TRABD2A: variants seen among roughly 807,000 people sequenced by gnomAD.
TRABD2A encodes TraB domain containing 2A, also known as metalloprotease TIKI1.
In TRABD2A, 43 loss-of-function variants were observed where a neutral mutation model predicts 45.6. The observed-to-expected ratio is 0.94, with a 90% confidence interval of 0.74 to 1.22. The LOEUF (loss-of-function observed/expected upper bound fraction) is 1.22, where lower values mean the gene tolerates loss of function less well. Ranked by LOEUF, TRABD2A falls within the 50% of genes most tolerant of loss-of-function variation. TRABD2A has a pLI of 0.00. For missense variants in TRABD2A, 642 were observed against 652.4 expected (o/e 0.98, Z 0.17); for synonymous variants, 269 against 265.0 (o/e 1.02, Z -0.15).
chr2:84,854,721 G>A (rs939614109), intron 2 of TRABD2A, among the ~76,000 whole-genome samples: 7 of 152,180 alleles, frequency 4.6e-5, no homozygotes, highest in African/African-American at 1.7e-4. Flanking sequence ...CTAAGGCAAG[G>A]AGAGGCAATA....
intron 4 of TRABD2A, chr2:84,835,060 A>G (rs1450217554): frequency 6.6e-6 from 1 of 152,188 alleles, no homozygotes; most frequent in Non-Finnish European, 1.5e-5. Flanking sequence ...TTTACTCTCC[A>G]TCTTTTTTAT....
intron 1 of TRABD2A, among the ~76,000 whole-genome samples, chr2:84,871,190 G>C (rs1245194730): frequency 6.6e-6 from 1 of 152,208 alleles, no homozygotes; most frequent in Non-Finnish European, 1.5e-5. Flanking sequence ...CCAGTTTTGA[G>C]ATTGTGCCAT....
intron 1 of TRABD2A, among the ~76,000 whole-genome samples, chr2:84,875,245 A>G (rs1453971973): frequency 6.6e-6 from 1 of 152,222 alleles, no homozygotes; most frequent in Non-Finnish European, 1.5e-5. Context: ...GTCTATAAAG[A>G]CATCTAAGCC....
chr2:84,822,027 C>T lies in TRABD2A; in HGVS notation c.1408G>A (p.Gly470Arg). ...ISTELRLPRR[G>R]HSHHSQMVAS... The stretch of plus-strand genomic sequence containing the variant: ...ACCATCTGGCTGTGGTGGGAATGCC[C>T]ACGGCGAGGGAGCCGCAGTTCAGTG... Residue 470 changes from glycine (G) to arginine (R), a missense_variant, in exon 7 of 7, where the codon GGG becomes AGG. Physicochemically the swap from Gly to Arg is moderately radical, Grantham distance 125. Coordinates refer to ENST00000409520, the MANE Select transcript of TRABD2A (RefSeq NM_001277053.2). 1 of 1,594,044 alleles carries T rather than the reference C, an allele frequency of 6.3e-7. No individual in the cohort carries two copies. Among genetic ancestry groups the T allele is most frequent in the East Asian group, 2.3e-5 (1 of 44,012 alleles).
rs947572376 is a variant in TRABD2A at position 84,824,006 on chromosome 2, C to T, written c.1281G>A (p.Gln427=). ...QRFRKKRRRS[Q]RRPRLRQFSD... ...TGAATTGCCGGAGTCGCGGCCTCCG[C>T]TGTGACCGCCTCCGCTTCTTCCGGA... The change falls in exon 6 of 7, where the codon CAG becomes CAA. Residue 427 remains glutamine (Q), a synonymous_variant. Transcript: ENST00000409520. The T allele has an allele frequency of 3.7e-6, 6 of 1,613,842 alleles. No homozygotes were observed. Among genetic ancestry groups the T allele is most frequent in the Non-Finnish European group, 5.1e-6 (6 of 1,179,794 alleles).
At chr2:84,829,908 C>T (rs913959573) in intron 5 of TRABD2A, among the ~76,000 whole-genome samples, 23 of 150,206 alleles carry the variant, frequency 1.5e-4, no homozygotes, top group African/African-American at 5.6e-4. Flanking sequence ...ACACATATTC[C>T]ACACTAGATA....
chr2:84,864,876 C>T (rs2105403510), intron 2 of TRABD2A, among the ~76,000 whole-genome samples: 1 of 152,316 alleles, frequency 6.6e-6, no homozygotes, highest in Admixed American at 6.5e-5. Context: ...CAGGAGTCTT[C>T]CTCAGGCCAT....
intron 5 of TRABD2A, among the ~76,000 whole-genome samples, chr2:84,827,469 C>T (rs1192281): frequency 0.18 from 27,386 of 152,136 alleles, 2,530 homozygotes; most frequent in African/African-American, 0.24. Flanking sequence ...TAGATCCTTA[C>T]TTCAAGTGCA....
At chr2:84,840,112 C>T (rs1410977835) in intron 3 of TRABD2A, among the ~76,000 whole-genome samples, 1 of 152,120 alleles carries the variant, frequency 6.6e-6, no homozygotes, top group Non-Finnish European at 1.5e-5. Flanking sequence ...CAGTATCTAC[C>T]CTGCCTGCTG....
chr2:84,865,285 A>G (rs994557290), intron 2 of TRABD2A, among the ~76,000 whole-genome samples: 2 of 152,250 alleles, frequency 1.3e-5, no homozygotes, highest in African/African-American at 4.8e-5. Flanking sequence ...GGCAGTGACC[A>G]TCCTCCTGGA....
At chr2:84,857,219 TG>T (rs1483414123) in intron 2 of TRABD2A, among the ~76,000 whole-genome samples, 1 of 152,222 alleles carries the variant, frequency 6.6e-6, no homozygotes, top group African/African-American at 2.4e-5. Context: ...CACACAATGC[TG>T]GGGCAACAAT....
chr2:84,879,219 T>A lies in TRABD2A; in HGVS notation c.108+1713A>T, dbSNP rs578059464. Among the ~76,000 whole-genome samples, 21 of 151,792 alleles carry A rather than the reference T, an allele frequency of 1.4e-4. No individual in the cohort carries two copies. The East Asian group carries it at 3.9e-3, about 28-fold the overall frequency. ...TTTTTTTGGATATAGGGTCTCGCTC[T>A]TTCACCCAAGCTGGAGTGCAGTGGC... On this transcript the variant is annotated intron_variant, in intron 1 of 6. Coordinates refer to ENST00000409520, the MANE Select transcript of TRABD2A (RefSeq NM_001277053.2).
intron 2 of TRABD2A, among the ~76,000 whole-genome samples, chr2:84,866,060 G>A (rs1395220513): frequency 6.6e-6 from 1 of 152,190 alleles, no homozygotes; most frequent in East Asian, 1.9e-4. Context: ...TCCGTGTCAG[G>A]GTCCTAACCT....
At chr2:84,880,707 G>C (rs1443146133) in intron 1 of TRABD2A, among the ~76,000 whole-genome samples, 1 of 152,226 alleles carries the variant, frequency 6.6e-6, no homozygotes, top group Non-Finnish European at 1.5e-5. Context: ...GAGGGCAAAG[G>C]CCAGGGCACT....
intron 5 of TRABD2A, among the ~76,000 whole-genome samples, chr2:84,825,599 A>G (rs992784592): frequency 1.1e-4 from 17 of 152,158 alleles, no homozygotes; most frequent in Non-Finnish European, 1.0e-4. Flanking sequence ...GAACCCTTTC[A>G]TTGTTACAAC....
intron 5 of TRABD2A, among the ~76,000 whole-genome samples, chr2:84,831,194 GAA>G: frequency 6.7e-6 from 1 of 149,886 alleles, no homozygotes; most frequent in Admixed American, 6.6e-5. Context: ...CTCGCTTACA[GAA>G]AAAAAAAATG....
chr2:84,875,022 C>T, intron 1 of TRABD2A: 1 of 171,678 alleles, frequency 5.8e-6, no homozygotes, highest in Non-Finnish European at 1.3e-5. Flanking sequence ...AGTCTGTGGG[C>T]TGAATCTTGA....
intron 2 of TRABD2A, among the ~76,000 whole-genome samples, chr2:84,843,275 C>T (rs1330039220): frequency 6.6e-6 from 1 of 152,036 alleles, no homozygotes; most frequent in Non-Finnish European, 1.5e-5. Flanking sequence ...AGGCTTGGTC[C>T]ATCTGTGTTG....
At chr2:84,839,051 T>C in intron 4 of TRABD2A, 98 bp downstream of exon 4, 1 of 1,394,944 alleles carries the variant, frequency 7.2e-7, no homozygotes, top group Admixed American at 2.2e-5. Context: ...TCTCGCTTCA[T>C]GACTAACACA....
Sources: gnomAD v4.1 joint callset for allele counts (sites outside exome capture counted in the v4.1 genomes callset) on GRCh38, gnomAD v4.1.1 for gene constraint, MANE v1.5 for transcripts, NCBI Gene and HGNC (gene_info 2026-07-23, HGNC 2026-07-21) for gene names.